ATP6V1H: variants seen among roughly 807,000 people sequenced by gnomAD.
The protein encoded by ATP6V1H is ATPase H+ transporting V1 subunit H.
A neutral mutation model predicts 71.7 loss-of-function variants in ATP6V1H; 39 were observed. That is an observed-to-expected ratio of 0.54 (90% confidence interval 0.42 to 0.71). The LOEUF is 0.71. Ranked by LOEUF, ATP6V1H falls within the 30% of genes least tolerant of loss-of-function variation. ATP6V1H has a pLI of 0.00. For missense variants in ATP6V1H, 509 were observed against 594.9 expected (o/e 0.86, Z 1.50); for synonymous variants, 192 against 199.3 (o/e 0.96, Z 0.31).
chr8:53,790,367 T>G (rs576462053), intron 9 of ATP6V1H, among the ~76,000 whole-genome samples: 1 of 152,220 alleles, frequency 6.6e-6, no homozygotes, highest in East Asian at 1.9e-4. Context: ...AGTGTTCACA[T>G]AACCTGAAGT....
intron 12 of ATP6V1H, among the ~76,000 whole-genome samples, chr8:53,746,802 CTGG>C (rs1241512104): frequency 6.6e-6 from 1 of 151,748 alleles, no homozygotes; most frequent in Non-Finnish European, 1.5e-5. Context: ...ATCTTTCCAG[CTGG>C]TGGATTACAA....
At chr8:53,780,802 G>C (rs1255114750) in intron 9 of ATP6V1H, among the ~76,000 whole-genome samples, 1 of 151,826 alleles carries the variant, frequency 6.6e-6, no homozygotes, top group African/African-American at 2.4e-5. Flanking sequence ...TTGGTATTTT[G>C]TCCTTGTGAT....
chr8:53,719,573 A>G (rs540858626), intron 13 of ATP6V1H, among the ~76,000 whole-genome samples: 1 of 152,360 alleles, frequency 6.6e-6, no homozygotes, highest in East Asian at 1.9e-4. Flanking sequence ...TGCCAGGCAC[A>G]GGGGGTCCTG....
chr8:53,795,798 T>C lies in ATP6V1H; in HGVS notation c.719A>G (p.Gln240Arg). 1 of 1,613,588 alleles carries C rather than the reference T, an allele frequency of 6.2e-7. No individual in the cohort carries two copies. Among genetic ancestry groups the C allele is most frequent in the Non-Finnish European group, 8.5e-7 (1 of 1,179,850 alleles). Residue 240 changes from glutamine to arginine, a missense_variant, in exon 9 of 14, where the codon CAG becomes CGG. Around this residue, in one of 2 missense-constraint regions of ATP6V1H, gnomAD observed 297 missense variants for 303.3 expected, o/e 0.98. Coordinates refer to ENST00000359530, the MANE Select transcript of ATP6V1H (RefSeq NM_015941.4). ...CCATATTGAAAAAATCATTTGATAC[T>C]GGAGCTGAAAGCCACACTTGTTACT... ...VLSNKCGFQLQYQMIFSIWLL... is the reference protein window; with the variant it reads ...VLSNKCGFQLRYQMIFSIWLL...
intron 9 of ATP6V1H, among the ~76,000 whole-genome samples, chr8:53,790,837 T>C (rs960481908): frequency 2.0e-5 from 3 of 152,236 alleles, no homozygotes; most frequent in Non-Finnish European, 2.9e-5. Flanking sequence ...ACAGAGATTA[T>C]AAACTGCAGG....
intron 12 of ATP6V1H, among the ~76,000 whole-genome samples, chr8:53,755,717 T>C (rs1471117545): frequency 9.7e-4 from 7 of 7,250 alleles, no homozygotes; most frequent in Non-Finnish European, 1.9e-3. Flanking sequence ...TATATATATA[T>C]ATATATATAT....
intron 11 of ATP6V1H, among the ~76,000 whole-genome samples, chr8:53,766,743 G>C (rs147719942): frequency 6.6e-6 from 1 of 152,134 alleles, no homozygotes; most frequent in Non-Finnish European, 1.5e-5. Context: ...CTCCCATAGC[G>C]TTCCCAGGCT....
At chr8:53,759,817 G>A (rs189089254) in intron 11 of ATP6V1H, among the ~76,000 whole-genome samples, 22 of 152,190 alleles carry the variant, frequency 1.4e-4, no homozygotes, top group Non-Finnish European at 2.9e-5. Flanking sequence ...AAGCTACAAG[G>A]TATTTTCTGT....
intron 9 of ATP6V1H, among the ~76,000 whole-genome samples, chr8:53,772,678 C>T (rs1218321081): frequency 2.0e-5 from 3 of 152,142 alleles, no homozygotes; most frequent in Non-Finnish European, 4.4e-5. Context: ...AGTTTTGCGA[C>T]ATTCGGGCAA....
chr8:53,790,089 T>C (rs1205048683), intron 9 of ATP6V1H, among the ~76,000 whole-genome samples: 1 of 152,234 alleles, frequency 6.6e-6, no homozygotes, highest in Non-Finnish European at 1.5e-5. Flanking sequence ...CAAAAGTCCA[T>C]GTGCTAACAG....
chr8:53,831,176 A>G (rs946754677), intron 3 of ATP6V1H, among the ~76,000 whole-genome samples: 2 of 152,242 alleles, frequency 1.3e-5, no homozygotes, highest in African/African-American at 4.8e-5. Context: ...CAATGGGGAA[A>G]GTTCTGAGAA....
chr8:53,841,872 T>A lies in ATP6V1H; in HGVS notation c.-35-147A>T. 3.9e-6 allele frequency: 3 copies of A among 767,442 alleles called. No individual in the cohort carries two copies. The South Asian group carries it at 7.1e-5, about 18-fold the overall frequency. 47.5% of individuals were successfully genotyped at this position (767,442 alleles called of 1,614,324 possible). A position where few individuals can be genotyped will look rare whatever the true frequency, so the allele number is the denominator to read the frequency against. ...AAATGTCCTAAGTCTGAAAGTATCA[T>A]TATATTTCAAATATTGTCCACTGCT... On this transcript the variant is annotated intron_variant, in intron 1 of 13. Coordinates refer to ENST00000359530, the MANE Select transcript of ATP6V1H (RefSeq NM_015941.4).
At chr8:53,830,396 T>G (rs1810968030) in intron 3 of ATP6V1H, among the ~76,000 whole-genome samples, 1 of 152,194 alleles carries the variant, frequency 6.6e-6, no homozygotes, top group Non-Finnish European at 1.5e-5. Context: ...CTTATCAAAA[T>G]CATACTTATC....
At chr8:53,777,898 A>G (rs1456677234) in intron 9 of ATP6V1H, among the ~76,000 whole-genome samples, 1 of 152,228 alleles carries the variant, frequency 6.6e-6, no homozygotes, top group Non-Finnish European at 1.5e-5. Flanking sequence ...AAAAGAAAAA[A>G]GAACTGTAGA....
Position 53,769,762 on chromosome 8 carries a change from G to T in ATP6V1H, c.1050-19C>A. The T allele has an allele frequency of 6.3e-7, 1 of 1,583,444 alleles. No individual in the cohort carries two copies. The highest frequency in any genetic ancestry group is 8.6e-7 in the Non-Finnish European group (1 of 1,165,450). On this transcript the variant is annotated intron_variant, in intron 10 of 13. Coordinates refer to ENST00000359530, the MANE Select transcript of ATP6V1H (RefSeq NM_015941.4). ...AAATGAACTATAAAAATGTTCAAAA[G>T]AATTCAAGGTTTATAAGAATCTGAC...
At chr8:53,764,985 G>A (rs1808400529) in intron 11 of ATP6V1H, among the ~76,000 whole-genome samples, 1 of 152,132 alleles carries the variant, frequency 6.6e-6, no homozygotes, top group African/African-American at 2.4e-5. Flanking sequence ...TGTGCCTGTA[G>A]TCCTAGCTGC....
At chr8:53,784,782 C>T (rs1247411728) in intron 9 of ATP6V1H, among the ~76,000 whole-genome samples, 2 of 152,152 alleles carry the variant, frequency 1.3e-5, no homozygotes, top group African/African-American at 4.8e-5. Flanking sequence ...GATTTTATTT[C>T]TCCTTCGCTT....
intron 12 of ATP6V1H, among the ~76,000 whole-genome samples, chr8:53,751,233 C>A (rs1236733407): frequency 1.3e-5 from 2 of 152,168 alleles, no homozygotes; most frequent in Admixed American, 1.3e-4. Context: ...ACTTCCATGA[C>A]AAGTCCACAT....
chr8:53,734,054 G>A (rs1423651449), intron 13 of ATP6V1H, among the ~76,000 whole-genome samples: 1 of 152,188 alleles, frequency 6.6e-6, no homozygotes, highest in Non-Finnish European at 1.5e-5. Context: ...CAGATAAACT[G>A]ACTCTTGGGC....
Sources: allele counts gnomAD v4.1 joint callset (sites outside exome capture counted in the v4.1 genomes callset), GRCh38; gene constraint gnomAD v4.1.1; regional missense constraint gnomAD v4.1.1; transcripts MANE v1.5; gene names NCBI Gene and HGNC (gene_info 2026-07-23, HGNC 2026-07-21).